The following PHLPP1 variants were observed in gnomAD, a reference collection of about 807,000 sequenced individuals.
PHLPP1 encodes the protein PH domain and leucine rich repeat protein phosphatase 1, also known as PH domain leucine-rich repeat-containing protein phosphatase 1.
In PHLPP1, 42 loss-of-function variants were observed where a neutral mutation model predicts 117.2. The observed-to-expected ratio is 0.36, with a 90% CI of 0.28 to 0.46. The LOEUF (loss-of-function observed/expected upper bound fraction) is 0.46. PHLPP1 is among the 20% of genes least tolerant of loss of function. PHLPP1 has a pLI of 1.00. For missense variants in PHLPP1, 2,084 were observed against 2,241.9 expected, an observed-to-expected ratio of 0.93 and a Z score of 1.42; for synonymous variants, 1,042 against 970.7, an observed-to-expected ratio of 1.07 and a Z score of -1.37.
At chr18:62,740,156 G>T (rs1219525742) in intron 1 of PHLPP1, among the ~76,000 whole-genome samples, 1 of 151,778 alleles carries the variant, frequency 6.6e-6, no homozygotes, top group East Asian at 1.9e-4. Context: ...GTATGTGTTT[G>T]GGCGGGAGGG....
chr18:62,724,363 G>A (rs191410051), intron 1 of PHLPP1, among the ~76,000 whole-genome samples: 2 of 152,140 alleles, frequency 1.3e-5, no homozygotes, highest in African/African-American at 4.8e-5. Flanking sequence ...CTTGCCTACC[G>A]GTGCTTAGAG....
At chr18:62,798,307 G>T (rs1405863226) in intron 1 of PHLPP1, among the ~76,000 whole-genome samples, 1 of 152,156 alleles carries the variant, frequency 6.6e-6, no homozygotes, top group East Asian at 1.9e-4. Flanking sequence ...AAATTAAATT[G>T]CTTTGCTTGG....
intron 4 of PHLPP1, among the ~76,000 whole-genome samples, chr18:62,882,956 A>G (rs1257927415): frequency 6.6e-6 from 1 of 151,086 alleles, no homozygotes; most frequent in Non-Finnish European, 1.5e-5. Flanking sequence ...TAAAAAAAAA[A>G]AAAAAAGAAA....
chr18:62,724,362 C>T (rs549552479), intron 1 of PHLPP1, among the ~76,000 whole-genome samples: 2 of 152,220 alleles, frequency 1.3e-5, no homozygotes, highest in South Asian at 2.1e-4. Context: ...GCTTGCCTAC[C>T]GGTGCTTAGA....
chr18:62,963,943 T>C (rs1910836089), intron 14 of PHLPP1, among the ~76,000 whole-genome samples: 1 of 152,154 alleles, frequency 6.6e-6, no homozygotes. Context: ...TTGATGTCCA[T>C]TGTCTGTAAT....
intron 1 of PHLPP1, among the ~76,000 whole-genome samples, chr18:62,805,354 A>G (rs1913918569): frequency 6.6e-6 from 1 of 151,664 alleles, no homozygotes. Flanking sequence ...TATACAGTAT[A>G]ATATACACTG....
intron 9 of PHLPP1, among the ~76,000 whole-genome samples, chr18:62,916,608 GTGTGT>G: frequency 6.8e-6 from 1 of 147,172 alleles, no homozygotes; most frequent in South Asian, 2.2e-4. Flanking sequence ...GAGGGTGGGT[GTGTGT>G]GTGTGTGTGT....
intron 1 of PHLPP1, among the ~76,000 whole-genome samples, chr18:62,751,281 A>G: frequency 6.6e-6 from 1 of 152,210 alleles, no homozygotes; most frequent in Middle Eastern, 3.2e-3. Flanking sequence ...GGAAGGGGGT[A>G]GTCTTTCCCT....
rs1280937752 is a variant in PHLPP1 at position 62,980,198 on chromosome 18, G to A, written c.*767G>A. 6.5e-6 allele frequency: 1 copy of A among 152,696 alleles called. No individual in the cohort carries two copies. The highest frequency in any genetic ancestry group is 2.4e-5 in the African/African-American group (1 of 41,512). 9.5% of individuals were successfully genotyped at this position (152,696 alleles called of 1,614,324 possible). A position where few individuals can be genotyped will look rare whatever the true frequency, so the allele number is the denominator to read the frequency against. ...GCAGTGTTTCTGTCCGGAGGAAATG[G>A]ATCTTAGGCCACTGGACAAGAACCT... On this transcript the variant is annotated 3_prime_UTR_variant, in exon 17 of 17. Coordinates refer to ENST00000262719, the MANE Select transcript of PHLPP1 (RefSeq NM_194449.4).
At chr18:62,947,565 A>C (rs1047448021) in intron 12 of PHLPP1, among the ~76,000 whole-genome samples, 1 of 152,130 alleles carries the variant, frequency 6.6e-6, no homozygotes, top group African/African-American at 2.4e-5. Flanking sequence ...ACTGGTCTCT[A>C]TGTGTGGTGC....
intron 10 of PHLPP1, among the ~76,000 whole-genome samples, chr18:62,924,196 G>T (rs1909557449): frequency 1.3e-5 from 2 of 152,160 alleles, no homozygotes. Flanking sequence ...GCAAATAGCT[G>T]CAGGCATTGG....
intron 3 of PHLPP1, among the ~76,000 whole-genome samples, chr18:62,841,417 A>G (rs1033741134): frequency 2.1e-5 from 3 of 139,616 alleles, no homozygotes; most frequent in African/African-American, 5.4e-5. Context: ...ACTGCAACCT[A>G]TGCCTCCTGG....
At chr18:62,813,362 G>A (rs768194728) in intron 1 of PHLPP1, among the ~76,000 whole-genome samples, 1 of 152,174 alleles carries the variant, frequency 6.6e-6, no homozygotes, top group Non-Finnish European at 1.5e-5. Context: ...CCATGGAATC[G>A]TGTAATGGAG....
At chr18:62,838,464 T>C (rs1224384542) in intron 2 of PHLPP1, 1 of 195,572 alleles carries the variant, frequency 5.1e-6, no homozygotes, top group Non-Finnish European at 1.0e-5. Flanking sequence ...TAAGTAAAAA[T>C]TCTAAGAGGA....
At chr18:62,977,920 C>T (rs1428278905) in intron 16 of PHLPP1, among the ~76,000 whole-genome samples, 1 of 152,228 alleles carries the variant, frequency 6.6e-6, no homozygotes, top group Non-Finnish European at 1.5e-5. Context: ...ACAGGAGGAG[C>T]TAGCCAGCTA....
At chr18:62,738,162 G>A (rs1475206094) in intron 1 of PHLPP1, among the ~76,000 whole-genome samples, 1 of 151,588 alleles carries the variant, frequency 6.6e-6, no homozygotes, top group East Asian at 1.9e-4. Flanking sequence ...TAATAGCCTA[G>A]GTAACATAGT....
chr18:62,780,125 G>T (rs1431557009), intron 1 of PHLPP1, among the ~76,000 whole-genome samples: 1 of 152,174 alleles, frequency 6.6e-6, no homozygotes, highest in East Asian at 1.9e-4. Context: ...TGCGTATGTG[G>T]TATATATGAT....
intron 1 of PHLPP1, among the ~76,000 whole-genome samples, chr18:62,768,293 CAGT>C (rs1260663006): frequency 2.6e-5 from 4 of 152,018 alleles, no homozygotes; most frequent in African/African-American, 9.7e-5. Context: ...CCTGATCAGT[CAGT>C]AGTCACCTTG....
chr18:62,836,452 TAAATAAATAAA>T (rs1457402375), intron 2 of PHLPP1, among the ~76,000 whole-genome samples: 1 of 138,806 alleles, frequency 7.2e-6, no homozygotes, highest in Non-Finnish European at 1.5e-5. Flanking sequence ...AATAAATAAA[TAAATAAATAAA>T]TAAATAAATA....
Sources: allele counts gnomAD v4.1 joint callset (sites outside exome capture counted in the v4.1 genomes callset), GRCh38; gene constraint gnomAD v4.1.1; transcripts MANE v1.5; gene names NCBI Gene and HGNC (gene_info 2026-07-23, HGNC 2026-07-21).